Variants in EIF4G3 observed in about 807,000 individuals in gnomAD.
EIF4G3 encodes the protein eIF-4-gamma 3.
In EIF4G3, 34 loss-of-function variants were observed where a neutral mutation model predicts 186.4. The observed-to-expected ratio is 0.18, with a 90% confidence interval of 0.14 to 0.24. The LOEUF is 0.24. Among genes scored for constraint, EIF4G3 ranks in the 10% least tolerant of loss-of-function variants. The pLI, the probability that EIF4G3 is intolerant of heterozygous loss-of-function variation, is 1.00. For missense variants in EIF4G3, 1,536 were observed against 1,948.5 expected (o/e 0.79, Z 3.99); for synonymous variants, 673 against 679.5 (o/e 0.99, Z 0.15).
chr1:21,046,016 G>A (rs2093865308), intron 4 of EIF4G3, among the ~76,000 whole-genome samples: 1 of 152,170 alleles, frequency 6.6e-6, no homozygotes, highest in Admixed American at 6.5e-5. Context: ...ATAAAACAGT[G>A]GTAGGAGGGT....
At chr1:21,107,560 G>A (rs2102020679) in intron 2 of EIF4G3, among the ~76,000 whole-genome samples, 1 of 152,296 alleles carries the variant, frequency 6.6e-6, no homozygotes, top group South Asian at 2.1e-4. Flanking sequence ...TCCAGAGCAG[G>A]GGTCTCCACA....
intron 4 of EIF4G3, among the ~76,000 whole-genome samples, chr1:21,025,133 C>T (rs1317915006): frequency 6.6e-6 from 1 of 151,996 alleles, no homozygotes; most frequent in Non-Finnish European, 1.5e-5. Flanking sequence ...AACTAGGGCA[C>T]GTCTGCTGAA....
intron 2 of EIF4G3, among the ~76,000 whole-genome samples, chr1:21,147,402 G>A (rs1480433082): frequency 1.3e-5 from 2 of 151,592 alleles, no homozygotes; most frequent in South Asian, 2.1e-4. Context: ...GTGCAATCGC[G>A]TGATCTCGGC....
Position 20,859,892 on chromosome 1 carries a change from C to A in EIF4G3, c.3244+493G>T, listed in dbSNP as rs191554672. On this transcript the variant is annotated intron_variant, in intron 24 of 36. Coordinates refer to ENST00000602326, the MANE Select transcript of EIF4G3 (RefSeq NM_001391906.1). ...ACAGGCATGAGCCACTGCGTCCGGC[C>A]TGCTACAAAGTGCCCCTTTCTTAAA... 2.6e-5 allele frequency among the ~76,000 whole-genome samples: 4 copies of A among 152,362 alleles called. No homozygotes were observed. In the East Asian group the frequency reaches 7.7e-4, roughly 29 times the overall value.
intron 30 of EIF4G3, among the ~76,000 whole-genome samples, 170 bp from the exon 31 acceptor site, chr1:20,829,442 T>C (rs1003665603): frequency 6.6e-6 from 1 of 152,152 alleles, no homozygotes; most frequent in Non-Finnish European, 1.5e-5. Context: ...AGAGATTATG[T>C]TAGCGTGGGG....
At chr1:21,149,231 T>C (rs187094873) in intron 2 of EIF4G3, among the ~76,000 whole-genome samples, 3 of 152,328 alleles carry the variant, frequency 2.0e-5, no homozygotes, top group African/African-American at 4.8e-5. Flanking sequence ...TGCCAACCTA[T>C]GTGTACATAA....
intron 4 of EIF4G3, among the ~76,000 whole-genome samples, chr1:21,035,669 CA>C (rs1380053560): frequency 6.6e-6 from 1 of 152,220 alleles, no homozygotes; most frequent in Non-Finnish European, 1.5e-5. Context: ...CAAGATAGGG[CA>C]GGGGGGCAGT....
intron 14 of EIF4G3, 101 bp downstream of exon 14, chr1:20,941,389 GA>G: frequency 6.2e-7 from 1 of 1,610,960 alleles, no homozygotes; most frequent in South Asian, 1.1e-5. Context: ...GCATTCATTC[GA>G]TGTTTCTGGA....
At chr1:21,113,440 GAA>G (rs960148540) in intron 2 of EIF4G3, among the ~76,000 whole-genome samples, 5 of 151,580 alleles carry the variant, frequency 3.3e-5, no homozygotes, top group Admixed American at 2.0e-4. Context: ...CAGGAAAAAA[GAA>G]GAGTATTTTA....
chr1:20,943,548 T>C (rs2095802135), intron 13 of EIF4G3, among the ~76,000 whole-genome samples: 2 of 152,178 alleles, frequency 1.3e-5, no homozygotes, highest in Non-Finnish European at 2.9e-5. Context: ...CTTAGCACAA[T>C]AAACAGGCTC....
chr1:21,109,185 T>C (rs1025805332), intron 2 of EIF4G3, among the ~76,000 whole-genome samples: 1 of 152,212 alleles, frequency 6.6e-6, no homozygotes, highest in African/African-American at 2.4e-5. Context: ...AGCACCGCAC[T>C]CCAGCCTGGG....
intron 2 of EIF4G3, among the ~76,000 whole-genome samples, chr1:21,108,270 A>AG (rs2096651986): frequency 6.6e-6 from 1 of 152,220 alleles, no homozygotes; most frequent in South Asian, 2.1e-4. Context: ...AAAATAAGCT[A>AG]GGTATATAAA....
intron 2 of EIF4G3, among the ~76,000 whole-genome samples, chr1:21,151,236 CTT>C (rs71014161): frequency 3.2e-4 from 26 of 80,434 alleles, no homozygotes; most frequent in African/African-American, 1.1e-3. Flanking sequence ...GTATTTCTTT[CTT>C]TTTTTTTTTT....
intron 34 of EIF4G3, among the ~76,000 whole-genome samples, chr1:20,816,071 G>A (rs1205004361): frequency 8.5e-6 from 1 of 117,564 alleles, no homozygotes. Context: ...CCCCCCGCCC[G>A]GCCAGCCGCC....
intron 13 of EIF4G3, among the ~76,000 whole-genome samples, chr1:20,943,105 T>A (rs925978180): frequency 6.6e-6 from 1 of 152,098 alleles, no homozygotes; most frequent in Non-Finnish European, 1.5e-5. Context: ...TGAGGTTGCA[T>A]TGAGCTACGA....
intron 15 of EIF4G3, among the ~76,000 whole-genome samples, chr1:20,901,010 A>C (rs1428704125): frequency 6.6e-6 from 1 of 152,158 alleles, no homozygotes; most frequent in Non-Finnish European, 1.5e-5. Context: ...AAAGCCAATA[A>C]ATTGTTTAAT....
chr1:21,035,485 T>C (rs1403327932), intron 4 of EIF4G3, among the ~76,000 whole-genome samples: 2 of 152,188 alleles, frequency 1.3e-5, no homozygotes, highest in Non-Finnish European at 2.9e-5. Flanking sequence ...TCCTGCTGCC[T>C]GGCCTCTCCC....
rs2076055228 is a variant in EIF4G3 at position 20,860,319 on chromosome 1, C to T, written c.3244+66G>A. ...TCTGATCTCATTTTATACCTAAATA[C>T]ATAATTCTTAATATGTATTCCTGAA... On this transcript the variant is annotated intron_variant, in intron 24 of 36. Transcript: ENST00000602326. 1.9e-6 allele frequency: 3 copies of T among 1,599,760 alleles called. No homozygotes were observed. The Admixed American group carries it at 5.2e-5, about 27-fold the overall frequency.
chr1:20,882,176 TACAC>T (rs138208807), intron 19 of EIF4G3, among the ~76,000 whole-genome samples: 4,483 of 86,978 alleles, frequency 0.052, 202 homozygotes, highest in African/African-American at 0.14. Flanking sequence ...AAAGAAAAAT[TACAC>T]ACACACACAC....
Sources: allele counts gnomAD v4.1 joint callset (sites outside exome capture counted in the v4.1 genomes callset), GRCh38; gene constraint gnomAD v4.1.1; transcripts MANE v1.5; gene names NCBI Gene and HGNC (gene_info 2026-07-23, HGNC 2026-07-21).